The following CNBD1 variants were observed in gnomAD, a reference collection of about 807,000 sequenced individuals.
The protein encoded by CNBD1 is cyclic nucleotide-binding domain-containing protein 1.
In CNBD1, 71 loss-of-function variants were observed where a neutral mutation model predicts 54.4. The ratio of observed to expected loss-of-function variants is 1.30; its 90% CI spans 1.08 to 1.59. CNBD1 has a LOEUF of 1.59. CNBD1 is among the 40% of genes most tolerant of loss of function. The pLI, the probability that CNBD1 is intolerant of heterozygous loss-of-function variation, is 0.00. For synonymous variants in CNBD1, 182 were observed against 170.7 expected (o/e 1.07, Z -0.51); for missense variants, 659 against 518.0 (o/e 1.27, Z -2.64).
chr8:87,389,146 C>A (rs1009431348), intron 2 of CNBD1, among the ~76,000 whole-genome samples: 12 of 152,008 alleles, frequency 7.9e-5, no homozygotes, highest in African/African-American at 1.9e-4. Flanking sequence ...CCAATATCAT[C>A]CTGAATGGGC....
chr8:87,214,954 A>T (rs933231377), intron 5 of CNBD1, among the ~76,000 whole-genome samples: 4 of 152,156 alleles, frequency 2.6e-5, no homozygotes, highest in African/African-American at 9.7e-5. Context: ...CAGTTAAACC[A>T]TATCACCCCA....
intron 5 of CNBD1, among the ~76,000 whole-genome samples, chr8:87,208,136 G>T (rs1379736016): frequency 6.6e-6 from 1 of 151,936 alleles, no homozygotes; most frequent in Non-Finnish European, 1.5e-5. Context: ...TCTGCTGCTG[G>T]GGCTTCCATT....
chr8:87,180,177 G>A (rs1204613938), intron 4 of CNBD1, among the ~76,000 whole-genome samples: 2 of 152,090 alleles, frequency 1.3e-5, no homozygotes, highest in Admixed American at 1.3e-4. Flanking sequence ...CCCAAGCCAT[G>A]ATTACTATAT....
intron 4 of CNBD1, among the ~76,000 whole-genome samples, chr8:87,135,743 T>C (rs1443547736): frequency 6.6e-6 from 1 of 150,490 alleles, no homozygotes; most frequent in East Asian, 1.9e-4. Flanking sequence ...AACATATATA[T>C]AATATAGTGG....
At chr8:87,291,308 T>A in intron 8 of CNBD1, among the ~76,000 whole-genome samples, 1 of 152,278 alleles carries the variant, frequency 6.6e-6, no homozygotes, top group South Asian at 2.1e-4. Flanking sequence ...CCTGGAGAAG[T>A]TACTTACCCC....
At chr8:87,306,924 T>C (rs1809163740) in intron 8 of CNBD1, among the ~76,000 whole-genome samples, 1 of 151,762 alleles carries the variant, frequency 6.6e-6, no homozygotes, top group East Asian at 1.9e-4. Flanking sequence ...AAAATAAAAG[T>C]CAATGTACCC....
intron 4 of CNBD1, among the ~76,000 whole-genome samples, chr8:87,145,936 A>G (rs1468538650): frequency 6.6e-6 from 1 of 152,136 alleles, no homozygotes; most frequent in Non-Finnish European, 1.5e-5. Context: ...TACCTCAGCT[A>G]TATTATCATT....
At chr8:87,334,985 A>G (rs762222287) in intron 8 of CNBD1, among the ~76,000 whole-genome samples, 1 of 151,952 alleles carries the variant, frequency 6.6e-6, no homozygotes, top group African/African-American at 2.4e-5. Context: ...CGGCCTCCCA[A>G]AGTGCTGGGA....
At chr8:86,912,829 CA>C (rs1318645522) in intron 3 of CNBD1, among the ~76,000 whole-genome samples, 5 of 152,020 alleles carry the variant, frequency 3.3e-5, no homozygotes, top group African/African-American at 1.2e-4. Context: ...GAAGACCTTC[CA>C]GGGGGACAAG....
At chr8:86,949,019 A>G (rs184220341) in intron 4 of CNBD1, among the ~76,000 whole-genome samples, 15 of 152,160 alleles carry the variant, frequency 9.9e-5, no homozygotes, top group Admixed American at 4.6e-4. Context: ...TCCTTTCCTC[A>G]GTGTATTTCT....
intron 4 of CNBD1, among the ~76,000 whole-genome samples, chr8:87,043,408 C>CT (rs1810115760): frequency 1.3e-5 from 2 of 152,070 alleles, no homozygotes; most frequent in Admixed American, 6.6e-5. Flanking sequence ...TTAATTTCTC[C>CT]TTATATTTTG....
At chr8:87,192,523 T>C (rs1813634636) in intron 4 of CNBD1, among the ~76,000 whole-genome samples, 1 of 152,224 alleles carries the variant, frequency 6.6e-6, no homozygotes, top group Admixed American at 6.5e-5. Flanking sequence ...TATTATTCTG[T>C]GACCTTGGGC....
At chr8:87,355,934 T>C (rs541467520) in intron 10 of CNBD1, among the ~76,000 whole-genome samples, 1 of 152,070 alleles carries the variant, frequency 6.6e-6, no homozygotes, top group Non-Finnish European at 1.5e-5. Context: ...ATGAGTGAGT[T>C]CTCACTCTAT....
downstream of CNBD1, among the ~76,000 whole-genome samples, chr8:87,385,126 A>T (rs1811156243): frequency 6.6e-6 from 1 of 152,100 alleles, no homozygotes; most frequent in African/African-American, 2.4e-5. Flanking sequence ...CATGTAAAAG[A>T]TAATGATGGG....
intron 4 of CNBD1, among the ~76,000 whole-genome samples, chr8:87,092,483 A>ATG (rs1491482082): frequency 7.1e-6 from 1 of 141,166 alleles, no homozygotes; most frequent in African/African-American, 2.9e-5. Context: ...ATATATACAC[A>ATG]TATGTGTGTG....
chr8:87,314,199 A>C (rs1809333501), intron 8 of CNBD1, among the ~76,000 whole-genome samples: 1 of 152,000 alleles, frequency 6.6e-6, no homozygotes, highest in Non-Finnish European at 1.5e-5. Context: ...GTGAATATCA[A>C]TATAAAAATC....
intron 8 of CNBD1, among the ~76,000 whole-genome samples, chr8:87,347,955 A>G (rs547918192): frequency 1.3e-5 from 2 of 152,314 alleles, no homozygotes; most frequent in East Asian, 3.9e-4. Context: ...TCTCTGAGGC[A>G]TATTCAAAAT....
chr8:87,066,007 G>A (rs922791973), intron 4 of CNBD1, among the ~76,000 whole-genome samples: 5 of 151,964 alleles, frequency 3.3e-5, no homozygotes, highest in Non-Finnish European at 5.9e-5. Context: ...ATATAGTCTT[G>A]TAGCAACATT....
chr8:87,020,420 A>G (rs1338584779), intron 4 of CNBD1, among the ~76,000 whole-genome samples: 1 of 152,184 alleles, frequency 6.6e-6, no homozygotes, highest in African/African-American at 2.4e-5. Context: ...ACCCCTAGGA[A>G]TAAGCCTCCT....
Sources: gnomAD v4.1 joint callset for allele counts (sites outside exome capture counted in the v4.1 genomes callset) on GRCh38, gnomAD v4.1.1 for gene constraint, MANE v1.5 for transcripts, NCBI Gene and HGNC (gene_info 2026-07-23, HGNC 2026-07-21) for gene names.